SLMAP: variants seen among roughly 807,000 people sequenced by gnomAD.
SLMAP encodes the protein sarcolemmal membrane-associated protein.
A neutral mutation model predicts 128.8 loss-of-function variants in SLMAP; 44 were observed. The ratio of observed to expected loss-of-function variants is 0.34; its 90% CI spans 0.27 to 0.44. The LOEUF (loss-of-function observed/expected upper bound fraction) is 0.44. Among genes scored for constraint, SLMAP ranks in the 20% least tolerant of loss-of-function variants. SLMAP has a pLI of 1.00. For missense variants in SLMAP, 787 were observed against 985.3 expected (o/e 0.80, Z 2.69); for synonymous variants, 327 against 348.8 (o/e 0.94, Z 0.70).
chr3:57,925,989 C>A, intron 24 of SLMAP, 55 bp downstream of exon 24: 2 of 1,299,984 alleles, frequency 1.5e-6, no homozygotes, highest in South Asian at 1.3e-5. Flanking sequence ...CTTTTTGTGC[C>A]ATATTTGTAA....
intron 2 of SLMAP, among the ~76,000 whole-genome samples, chr3:57,775,894 T>C (rs1002653553): frequency 1.3e-5 from 2 of 152,094 alleles, no homozygotes; most frequent in Admixed American, 6.5e-5. Context: ...AGATGGCGTT[T>C]TACCATGTTG....
chr3:57,912,194 A>T, intron 19 of SLMAP, 187 bp from the exon 20 acceptor site: 1 of 518,774 alleles, frequency 1.9e-6, no homozygotes, highest in Non-Finnish European at 3.5e-6. Flanking sequence ...GGAGATGAAG[A>T]TCACTTTGGT....
At chr3:57,885,187 C>T (rs376549018) in intron 14 of SLMAP, among the ~76,000 whole-genome samples, 9 of 149,686 alleles carry the variant, frequency 6.0e-5, no homozygotes, top group African/African-American at 2.2e-4. Context: ...ATTCTCCTGC[C>T]TCAGCCTCCT....
intron 22 of SLMAP, 47 bp from the exon 23 acceptor site, chr3:57,922,842 A>T: frequency 6.4e-7 from 1 of 1,569,988 alleles, no homozygotes; most frequent in South Asian, 1.1e-5. Context: ...ATAACATCAT[A>T]CCCATTTTAA....
At chr3:57,802,334 G>GGC (rs1395173954) in intron 2 of SLMAP, among the ~76,000 whole-genome samples, 1 of 151,850 alleles carries the variant, frequency 6.6e-6, no homozygotes, top group Non-Finnish European at 1.5e-5. Context: ...CTGGAGTGCA[G>GGC]TGGCATGATC....
At chr3:57,880,676 G>A (rs565030331) in intron 14 of SLMAP, among the ~76,000 whole-genome samples, 195 of 150,088 alleles carry the variant, frequency 1.3e-3, no homozygotes, top group Non-Finnish European at 2.2e-3. Context: ...TCAGGAGTTC[G>A]AGACCAGTCT....
rs1013120526 is a variant in SLMAP, at chr3:57,913,261, A to G, written c.2124A>G (p.Glu708=). 2.6e-6 allele frequency: 4 copies of G among 1,525,970 alleles called. No individual in the cohort carries two copies. In the African/African-American group the frequency reaches 4.1e-5, roughly 16 times the overall value. The allele number at this position is 1,525,970 out of a possible 1,614,324, so 94.5% of individuals were successfully genotyped here. Residue 708 remains glutamate (E), a synonymous_variant, in exon 21 of 25, where the codon GAA becomes GAG. Transcript: ENST00000671191. ...TATCATCAGAACTGCAACGGCAAGA[A>G]AAAGAATTGCACAAGTATGCAAGAA... is the stretch of plus-strand genomic sequence containing the variant. The part of the protein sequence containing the change: ...VLLSSELQRQ[E]KELHNSQKQS...
chr3:57,786,596 A>G (rs147075429), intron 2 of SLMAP, among the ~76,000 whole-genome samples: 2,669 of 132,844 alleles, frequency 0.02, 72 homozygotes, highest in African/African-American at 0.072. Flanking sequence ...TCACTCTGTT[A>G]TCCAGGCTGG....
intron 2 of SLMAP, among the ~76,000 whole-genome samples, chr3:57,822,341 G>A (rs2092589398): frequency 6.6e-6 from 1 of 152,190 alleles, no homozygotes; most frequent in Admixed American, 6.5e-5. Flanking sequence ...TGCAATAGCT[G>A]TGAGGTCGTG....
chr3:57,806,022 T>G (rs116711010), intron 2 of SLMAP, among the ~76,000 whole-genome samples: 1,923 of 150,480 alleles, frequency 0.013, 28 homozygotes, highest in African/African-American at 0.046. Context: ...AAACAGGGTT[T>G]TTTTTTTGTT....
At chr3:57,906,310 C>CTTTTTTTTCTTTTTTTTTTTTTTTTTTT (rs2096550422) in intron 17 of SLMAP, among the ~76,000 whole-genome samples, 2 of 47,034 alleles carry the variant, frequency 4.3e-5, no homozygotes, top group African/African-American at 1.4e-4. Flanking sequence ...CTTTTTTTTT[C>CTTTTTTTTCTTTTTTTTTTTTTTTTTTT]TTTTTTTTTT....
chr3:57,849,760 G>A lies in SLMAP; in HGVS notation c.463G>A (p.Ala155Thr). The change falls in exon 6 of 25, where the codon GCT becomes ACT. Residue 155 changes from alanine (A) to threonine (T), a missense_variant. Transcript: ENST00000671191. ...CTGTGTCATTTGTTTCTAGGTTGCT[G>A]CTAACACTCCAAGTATGTACTCTCA... ...PLPSPVDKVAANTPSMYSQEL... is the reference protein window; with the variant it reads ...PLPSPVDKVATNTPSMYSQEL... 1 of 1,563,946 alleles carries A rather than the reference G, an allele frequency of 6.4e-7. No homozygotes were observed.
At chr3:57,854,261 A>G (rs2094660939) in intron 6 of SLMAP, among the ~76,000 whole-genome samples, 1 of 151,504 alleles carries the variant, frequency 6.6e-6, no homozygotes, top group South Asian at 2.1e-4. Flanking sequence ...AGAACACCTG[A>G]AAATGCAATA....
At chr3:57,915,441 T>C (rs1327067121) in intron 21 of SLMAP, among the ~76,000 whole-genome samples, 1 of 152,208 alleles carries the variant, frequency 6.6e-6, no homozygotes, top group Non-Finnish European at 1.5e-5. Context: ...TCTGATGCCC[T>C]AAATTTGCTT....
chr3:57,849,755 T>G lies in SLMAP; in HGVS notation c.458T>G (p.Val153Gly), dbSNP rs187310488. Reference sequence around the variant, plus strand: ...TGATACTGTGTCATTTGTTTCTAGGTTGCTGCTAACACTCCAAGTATGTAC... The same window carrying G: ...TGATACTGTGTCATTTGTTTCTAGGGTGCTGCTAACACTCCAAGTATGTAC... ...HAPLPSPVDK[V>G]AANTPSMYSQ... Residue 153 changes from valine (V) to glycine (G), a missense_variant and splice_region_variant, in exon 6 of 25, where the codon GTT becomes GGT. Transcript: ENST00000671191. 6.4e-7 allele frequency: 1 copy of G among 1,550,962 alleles called. No individual in the cohort carries two copies. Among genetic ancestry groups the G allele is most frequent in the East Asian group, 2.2e-5 (1 of 44,578 alleles).
intron 5 of SLMAP, among the ~76,000 whole-genome samples, chr3:57,848,345 CCTTTTACTTT>C (rs1327303762): frequency 6.6e-6 from 1 of 150,610 alleles, no homozygotes; most frequent in East Asian, 2.0e-4. Flanking sequence ...CCTGTTTCTT[CCTTTTACTTT>C]CTTCTTTCTT....
At chr3:57,828,752 G>A (rs959085012) in intron 2 of SLMAP, among the ~76,000 whole-genome samples, 128 of 152,124 alleles carry the variant, frequency 8.4e-4, no homozygotes, top group Non-Finnish European at 1.9e-4. Flanking sequence ...ATGTCAGAAT[G>A]AAAAGAACCT....
At chr3:57,836,037 T>G (rs1345885934) in intron 3 of SLMAP, among the ~76,000 whole-genome samples, 2 of 152,072 alleles carry the variant, frequency 1.3e-5, no homozygotes, top group African/African-American at 4.8e-5. Context: ...TTACAGGTAT[T>G]AAAAAGAAAA....
At chr3:57,806,530 C>T (rs266840) in intron 2 of SLMAP, among the ~76,000 whole-genome samples, 24,019 of 152,092 alleles carry the variant, frequency 0.16, 2,451 homozygotes, top group East Asian at 0.43. Flanking sequence ...CTCCGCCTCC[C>T]GGGTTCAAGC....
Sources: allele counts gnomAD v4.1 joint callset (sites outside exome capture counted in the v4.1 genomes callset), GRCh38; gene constraint gnomAD v4.1.1; transcripts MANE v1.5; gene names NCBI Gene and HGNC (gene_info 2026-07-23, HGNC 2026-07-21).